UGT1A7: variants seen among roughly 807,000 people sequenced by gnomAD.
UGT1A7 encodes UDP-glucuronosyltransferase 1A7.
In UGT1A7, 33 loss-of-function variants were observed where a neutral mutation model predicts 45.6. That is an observed-to-expected ratio of 0.72 (90% CI 0.55 to 0.97). The LOEUF (loss-of-function observed/expected upper bound fraction) is 0.97. Ranked by LOEUF, UGT1A7 falls within the 50% of genes least tolerant of loss-of-function variation. UGT1A7 has a pLI of 0.00. For missense variants in UGT1A7, 684 were observed against 666.2 expected, an observed-to-expected ratio of 1.03 and a Z score of -0.29; for synonymous variants, 274 against 250.6, an observed-to-expected ratio of 1.09 and a Z score of -0.88.
rs548313260 is a variant in UGT1A7, at chr2:233,691,460, G to A, written c.855+8668G>A. The A allele has an allele frequency of 1.4e-4, 137 of 985,760 alleles. 1 individual carries two copies. Among genetic ancestry groups the A allele is most frequent in the Admixed American group, 3.1e-4 (5 of 16,288 alleles). The allele number at this position is 985,760 out of a possible 1,614,324, so 61.1% of individuals were successfully genotyped here. The stretch of plus-strand genomic sequence containing the variant: ...GCTTCTTCTCCCTTCCTGGGCCCCA[G>A]AACACCTCCGGTGCCAAACTTGTGG... On this transcript the variant is annotated intron_variant, in intron 1 of 4. Coordinates refer to ENST00000373426, the MANE Select transcript of UGT1A7 (RefSeq NM_019077.3).
At chr2:233,731,439 C>T (rs1335351159) in intron 1 of UGT1A7, among the ~76,000 whole-genome samples, 1 of 152,054 alleles carries the variant, frequency 6.6e-6, no homozygotes, top group Non-Finnish European at 1.5e-5. Context: ...TCCCCCAGTC[C>T]CCCACCCCAC....
chr2:233,736,864 A>G lies in UGT1A7; in HGVS notation c.856-30170A>G, dbSNP rs948375151. On this transcript the variant is annotated intron_variant, in intron 1 of 4. Transcript: ENST00000373426. ...ACCAGTGGAGGCTGCAGAACAGCAA[A>G]TATTGCAGAACAGCAAATATTGCTG... Among the ~76,000 whole-genome samples, 4 of 152,194 alleles carry G rather than the reference A, an allele frequency of 2.6e-5. No homozygotes were observed. The East Asian group carries it at 7.7e-4, about 29-fold the overall frequency.
At chr2:233,737,682 C>T (rs555307155) in intron 1 of UGT1A7, among the ~76,000 whole-genome samples, 163 of 152,234 alleles carry the variant, frequency 1.1e-3, no homozygotes, top group Non-Finnish European at 1.9e-3. Flanking sequence ...CCTATTTGGC[C>T]ATTGGTGCTG....
rs140860588 is a variant in UGT1A7 at position 233,718,960 on chromosome 2, C to T, written c.855+36168C>T. On this transcript the variant is annotated intron_variant, in intron 1 of 4. Coordinates refer to ENST00000373426, the MANE Select transcript of UGT1A7 (RefSeq NM_019077.3). ...AGCCCCTGGCTCAGCATGCGGGAGG[C>T]CTTGCGGGAGCTCCATGCCAGAGGC... 1.4e-4 allele frequency: 218 copies of T among 1,614,192 alleles called. No homozygotes were observed. The highest frequency in any genetic ancestry group is 1.5e-4 in the Non-Finnish European group (177 of 1,180,018).
intron 1 of UGT1A7, 109 bp downstream of exon 1, chr2:233,682,901 T>G: frequency 1.3e-6 from 2 of 1,504,332 alleles, no homozygotes; most frequent in Non-Finnish European, 8.8e-7. Context: ...TGGAATTTCT[T>G]TCTGGTTTAA....
Position 233,772,391 on chromosome 2 carries a change from C to T in UGT1A7, c.1425C>T (p.Ala475=), listed in dbSNP as rs1559420304. 6.2e-7 allele frequency: 1 copy of T among 1,614,114 alleles called. No individual in the cohort carries two copies. Among genetic ancestry groups the T allele is most frequent in the Non-Finnish European group, 8.5e-7 (1 of 1,180,052 alleles). The change falls in exon 5 of 5, where the codon GCC becomes GCT. Residue 475 remains alanine (A), a synonymous_variant. Coordinates refer to ENST00000373426, the MANE Select transcript of UGT1A7 (RefSeq NM_019077.3). ...HKGAPHLRPA[A]HDLTWYQYHS... is the part of the protein sequence containing the mutation. ...GCGCGCCACACCTGCGCCCCGCAGCCCACGACCTCACCTGGTACCAGTACC... is the reference window on the plus strand; with the variant it reads ...GCGCGCCACACCTGCGCCCCGCAGCTCACGACCTCACCTGGTACCAGTACC...
At chr2:233,740,898 G>T (rs1431313785) in intron 1 of UGT1A7, 2 of 148,128 alleles carry the variant, frequency 1.4e-5, no homozygotes, top group Non-Finnish European at 3.0e-5. Context: ...CAACATAGTA[G>T]GTCAACATTG....
chr2:233,746,953 T>A (rs984665888), intron 1 of UGT1A7, among the ~76,000 whole-genome samples: 1 of 151,790 alleles, frequency 6.6e-6, no homozygotes, highest in Non-Finnish European at 1.5e-5. Context: ...AACAAGAGCT[T>A]GAACTTGGAT....
intron 1 of UGT1A7, chr2:233,713,988 T>C (rs1034090068): frequency 1.1e-5 from 18 of 1,575,780 alleles, no homozygotes; most frequent in Non-Finnish European, 1.5e-5. Flanking sequence ...ATTGTTGTAA[T>C]AGTCTTCAGT....
chr2:233,695,209 T>C (rs1676135359), intron 1 of UGT1A7, among the ~76,000 whole-genome samples: 1 of 148,008 alleles, frequency 6.8e-6, no homozygotes, highest in South Asian at 2.2e-4. Flanking sequence ...CACTGCAACC[T>C]CCACCTCCTG....
intron 1 of UGT1A7, chr2:233,713,993 T>C: frequency 6.4e-7 from 1 of 1,564,404 alleles, no homozygotes; most frequent in Non-Finnish European, 8.7e-7. Context: ...TGTAATAGTC[T>C]TCAGTGAGAT....
At chr2:233,719,310 T>C in intron 1 of UGT1A7, 6 of 1,613,982 alleles carry the variant, frequency 3.7e-6, no homozygotes, top group Non-Finnish European at 5.1e-6. Context: ...GCTGGCTAAG[T>C]ACCTGTCGAT....
chr2:233,693,130 G>T, intron 1 of UGT1A7: 1 of 1,614,242 alleles, frequency 6.2e-7, no homozygotes, highest in South Asian at 1.1e-5. Context: ...GGCTTAGTAT[G>T]AAGGATATAG....
intron 1 of UGT1A7, chr2:233,708,393 T>C (rs2076016604): frequency 6.6e-6 from 1 of 152,236 alleles, no homozygotes; most frequent in Admixed American, 6.5e-5. Context: ...TGTGTGTGTT[T>C]ACTTTCATCA....
chr2:233,684,809 C>A (rs2074702200), intron 1 of UGT1A7, among the ~76,000 whole-genome samples: 1 of 152,130 alleles, frequency 6.6e-6, no homozygotes. Context: ...GGCTCAACCA[C>A]AAAAGTAAAT....
chr2:233,748,052 C>G, intron 1 of UGT1A7: 1 of 1,613,446 alleles, frequency 6.2e-7, no homozygotes, highest in Non-Finnish European at 8.5e-7. Context: ...GGGGCATCAA[C>G]TGTGCCAACA....
chr2:233,752,761 A>G (rs1341964292), intron 1 of UGT1A7, among the ~76,000 whole-genome samples: 3 of 152,266 alleles, frequency 2.0e-5, no homozygotes, highest in African/African-American at 7.2e-5. Context: ...AAACAAACAA[A>G]CAAACAAACA....
At chr2:233,735,907 G>A (rs1349886995) in intron 1 of UGT1A7, among the ~76,000 whole-genome samples, 1 of 151,990 alleles carries the variant, frequency 6.6e-6, no homozygotes, top group African/African-American at 2.4e-5. Context: ...TTCCCTTTGT[G>A]GGTAACCCGA....
At chr2:233,751,192 T>A (rs984172323) in intron 1 of UGT1A7, among the ~76,000 whole-genome samples, 4 of 151,858 alleles carry the variant, frequency 2.6e-5, no homozygotes, top group African/African-American at 9.7e-5. Context: ...AAGTTAAAGG[T>A]GATAATTTTG....
Sources: gnomAD v4.1 joint callset for allele counts (sites outside exome capture counted in the v4.1 genomes callset) on GRCh38, gnomAD v4.1.1 for gene constraint, MANE v1.5 for transcripts, NCBI Gene and HGNC (gene_info 2026-07-23, HGNC 2026-07-21) for gene names.